The following FMN1 variants were observed in gnomAD, a reference collection of about 807,000 sequenced individuals.
The protein encoded by FMN1 is formin-1.
Under a neutral mutation model 132.4 loss-of-function variants are expected in FMN1, and 110 were observed. The ratio of observed to expected loss-of-function variants is 0.83; its 90% CI spans 0.71 to 0.97. The LOEUF (loss-of-function observed/expected upper bound fraction) is 0.97. Ranked by LOEUF, FMN1 falls within the 50% of genes least tolerant of loss-of-function variation. FMN1 has a pLI of 0.00. For synonymous variants in FMN1, 722 were observed against 651.7 expected (o/e 1.11, Z -1.64); for missense variants, 1,792 against 1,705.3 (o/e 1.05, Z -0.90).
At chr15:33,116,363 G>C (rs1041750124) in intron 4 of FMN1, among the ~76,000 whole-genome samples, 1 of 152,076 alleles carries the variant, frequency 6.6e-6, no homozygotes, top group African/African-American at 2.4e-5. Context: ...CAACAAATCC[G>C]AGGCAGCCAA....
chr15:33,145,233 A>G (rs765673263), intron 4 of FMN1, among the ~76,000 whole-genome samples: 1 of 151,956 alleles, frequency 6.6e-6, no homozygotes, highest in Non-Finnish European at 1.5e-5. Context: ...GCTGTAGTCA[A>G]AGGTGCCAGA....
At chr15:32,801,112 CAT>C (rs1294762636) in intron 18 of FMN1, among the ~76,000 whole-genome samples, 1 of 152,130 alleles carries the variant, frequency 6.6e-6, no homozygotes, top group African/African-American at 2.4e-5. Context: ...GTGAGATCAA[CAT>C]ATTGCAAATC....
intron 9 of FMN1, among the ~76,000 whole-genome samples, chr15:32,944,492 C>G (rs2061463263): frequency 6.6e-6 from 1 of 152,294 alleles, no homozygotes; most frequent in South Asian, 2.1e-4. Flanking sequence ...GAAAACTAAG[C>G]TTCACTGTTT....
chr15:33,012,543 C>T, intron 6 of FMN1: 3 of 1,526,046 alleles, frequency 2.0e-6, no homozygotes, highest in Non-Finnish European at 2.7e-6. Context: ...GAGGCAGTGG[C>T]AAGAAAAGGG....
At chr15:33,095,072 G>A (rs1301578009) in intron 4 of FMN1, among the ~76,000 whole-genome samples, 1 of 152,086 alleles carries the variant, frequency 6.6e-6, no homozygotes, top group African/African-American at 2.4e-5. Flanking sequence ...ATATGACCGG[G>A]TGCAGTGGCC....
chr15:33,118,614 A>T (rs28593387), intron 4 of FMN1, among the ~76,000 whole-genome samples: 48,034 of 152,052 alleles, frequency 0.32, 9,346 homozygotes, highest in South Asian at 0.41. Context: ...AGGAAACAAG[A>T]AATCAGAAAA....
chr15:32,816,762 T>G (rs1419303627), intron 17 of FMN1, among the ~76,000 whole-genome samples: 1 of 152,184 alleles, frequency 6.6e-6, no homozygotes, highest in African/African-American at 2.4e-5. Context: ...AAAACAACCA[T>G]TGTCACGGAT....
At chr15:33,076,163 G>A (rs898619395) in intron 5 of FMN1, among the ~76,000 whole-genome samples, 1 of 152,184 alleles carries the variant, frequency 6.6e-6, no homozygotes, top group South Asian at 2.1e-4. Flanking sequence ...AATTTCCTGG[G>A]ATGTGTTTCA....
At chr15:33,020,415 AG>A (rs2035355310) in intron 6 of FMN1, among the ~76,000 whole-genome samples, 1 of 115,496 alleles carries the variant, frequency 8.7e-6, no homozygotes. Flanking sequence ...GGGGAGGCCG[AG>A]GTGGGTGGAT....
chr15:33,066,469 C>T, intron 5 of FMN1: 3 of 1,412,652 alleles, frequency 2.1e-6, no homozygotes, highest in Non-Finnish European at 2.8e-6. Context: ...AATACAGCAG[C>T]ACCATATTTT....
intron 5 of FMN1, among the ~76,000 whole-genome samples, chr15:33,085,133 T>C (rs1241045710): frequency 6.6e-6 from 1 of 152,196 alleles, no homozygotes; most frequent in Non-Finnish European, 1.5e-5. Context: ...CTGTAAGCTA[T>C]TGGGAAACAG....
At position 33,111,311 on chromosome 15, in the gene FMN1, A is replaced by G. The variant is rs992027767; in HGVS notation, c.1868-22337T>C. Among the ~76,000 whole-genome samples the G allele has an allele frequency of 4.6e-5, 7 of 152,198 alleles. No individual in the cohort carries two copies. The South Asian group carries it at 1.4e-3, about 32-fold the overall frequency. On this transcript the variant is annotated intron_variant, in intron 4 of 20. Transcript: ENST00000616417. ...ACTTCACTGGGATGGCTATAATTAA[A>G]AAGGCAGATAACAACAAGTGTTCAT...
At chr15:32,824,118 C>G (rs1274421254) in intron 17 of FMN1, among the ~76,000 whole-genome samples, 5 of 152,170 alleles carry the variant, frequency 3.3e-5, no homozygotes, top group Admixed American at 1.3e-4. Context: ...GTGTAATGTA[C>G]CCCCCGTGAG....
rs2035994770 is a variant in FMN1 at position 33,032,739 on chromosome 15, G to A, written c.2162-24664C>T. On this transcript the variant is annotated intron_variant, in intron 6 of 20. Transcript: ENST00000616417. The stretch of plus-strand genomic sequence containing the variant: ...ACAGATCATGACTACTGTAGATGGA[G>A]TCACAGAGCTGACGCAGTAAAGCCA... Among the ~76,000 whole-genome samples, 2 of 152,178 alleles carry A rather than the reference G, an allele frequency of 1.3e-5. 1 individual carries two copies. Among genetic ancestry groups the A allele is most frequent in the South Asian group, 4.1e-4 (2 of 4,834 alleles).
At chr15:32,893,864 C>A (rs769369415) in intron 15 of FMN1, among the ~76,000 whole-genome samples, 2 of 152,242 alleles carry the variant, frequency 1.3e-5, no homozygotes, top group African/African-American at 4.8e-5. Flanking sequence ...AGCCTTCCCA[C>A]ACAATGCATT....
chr15:33,025,116 G>A (rs1408470594), intron 6 of FMN1, among the ~76,000 whole-genome samples: 1 of 152,038 alleles, frequency 6.6e-6, no homozygotes, highest in Non-Finnish European at 1.5e-5. Flanking sequence ...GCATATAGAA[G>A]GCTTCAAATA....
At chr15:32,778,405 G>A (rs1406005219) in intron 19 of FMN1, among the ~76,000 whole-genome samples, 1 of 151,266 alleles carries the variant, frequency 6.6e-6, no homozygotes, top group Non-Finnish European at 1.5e-5. Flanking sequence ...TCATATACCT[G>A]ATAGAAACTT....
At chr15:32,994,309 G>A (rs910741440) in intron 7 of FMN1, among the ~76,000 whole-genome samples, 1 of 151,740 alleles carries the variant, frequency 6.6e-6, no homozygotes, top group Non-Finnish European at 1.5e-5. Flanking sequence ...ATTCTGGGTT[G>A]TAGTATAAAA....
At chr15:32,936,025 A>G (rs1200033554) in intron 9 of FMN1, among the ~76,000 whole-genome samples, 1 of 151,848 alleles carries the variant, frequency 6.6e-6, no homozygotes, top group Non-Finnish European at 1.5e-5. Context: ...CTGCTACTGA[A>G]CCCCACTAGT....
Sources: allele counts gnomAD v4.1 joint callset (sites outside exome capture counted in the v4.1 genomes callset), GRCh38; gene constraint gnomAD v4.1.1; transcripts MANE v1.5; gene names NCBI Gene and HGNC (gene_info 2026-07-23, HGNC 2026-07-21).